ENOX1: variants seen among roughly 807,000 people sequenced by gnomAD.
ENOX1 encodes ecto-NOX disulfide-thiol exchanger 1.
Under a neutral mutation model 82.5 loss-of-function variants are expected in ENOX1, and 42 were observed. The ratio of observed to expected loss-of-function variants is 0.51; its 90% CI spans 0.40 to 0.66. The LOEUF is 0.66. Ranked by LOEUF, ENOX1 falls within the 30% of genes least tolerant of loss-of-function variation. ENOX1 has a pLI of 0.00. For synonymous variants in ENOX1, 271 were observed against 282.2 expected (o/e 0.96, Z 0.40); for missense variants, 608 against 811.6 (o/e 0.75, Z 3.05).
At chr13:43,412,574 G>A (rs1320811559) in intron 4 of ENOX1, among the ~76,000 whole-genome samples, 2 of 152,098 alleles carry the variant, frequency 1.3e-5, no homozygotes, top group Admixed American at 1.3e-4. Flanking sequence ...GAAAATACAG[G>A]TGTCTACCTA....
chr13:43,402,521 C>T (rs1292778404), intron 5 of ENOX1, among the ~76,000 whole-genome samples: 1 of 152,106 alleles, frequency 6.6e-6, no homozygotes, highest in South Asian at 2.1e-4. Flanking sequence ...AGAAGAAGTC[C>T]AGCACAGTCT....
At chr13:43,665,026 G>T (rs1187429121) in intron 2 of ENOX1, among the ~76,000 whole-genome samples, 1 of 152,170 alleles carries the variant, frequency 6.6e-6, no homozygotes, top group African/African-American at 2.4e-5. Context: ...GTAAGTAAAT[G>T]ATTCCACCTT....
chr13:43,524,344 C>T (rs1303164921), intron 2 of ENOX1, among the ~76,000 whole-genome samples: 1 of 152,138 alleles, frequency 6.6e-6, no homozygotes, highest in African/African-American at 2.4e-5. Context: ...ACCTCACACA[C>T]GTGTTCCTCT....
At chr13:43,258,735 G>T (rs2043890247) in intron 14 of ENOX1, among the ~76,000 whole-genome samples, 1 of 152,140 alleles carries the variant, frequency 6.6e-6, no homozygotes, top group Non-Finnish European at 1.5e-5. Flanking sequence ...AGGCCGTAAA[G>T]TTCTCTGTAC....
chr13:43,617,484 C>T (rs1427517689), intron 2 of ENOX1, among the ~76,000 whole-genome samples: 2 of 152,182 alleles, frequency 1.3e-5, no homozygotes, highest in Admixed American at 1.3e-4. Context: ...TGTTTATATG[C>T]TTACTTTTTA....
intron 2 of ENOX1, among the ~76,000 whole-genome samples, chr13:43,621,187 C>T (rs546778494): frequency 2.6e-5 from 4 of 152,102 alleles, no homozygotes; most frequent in Admixed American, 2.6e-4. Flanking sequence ...GAGTTCTTAT[C>T]CATTCTGTGG....
intron 3 of ENOX1, among the ~76,000 whole-genome samples, chr13:43,479,660 A>C (rs955362280): frequency 6.6e-6 from 1 of 152,262 alleles, no homozygotes; most frequent in African/African-American, 2.4e-5. Flanking sequence ...CAGCTAAAAA[A>C]TAAATGTAAT....
chr13:43,261,450 G>C (rs950367229), intron 14 of ENOX1, among the ~76,000 whole-genome samples: 2 of 152,118 alleles, frequency 1.3e-5, no homozygotes, highest in African/African-American at 4.8e-5. Context: ...ATGCAACCAA[G>C]ATTTATGGAT....
intron 1 of ENOX1, among the ~76,000 whole-genome samples, chr13:43,695,002 T>A (rs528181195): frequency 6.6e-6 from 1 of 152,146 alleles, no homozygotes; most frequent in South Asian, 2.1e-4. Flanking sequence ...CTTGCGACGA[T>A]AGAAAACACA....
intron 12 of ENOX1, among the ~76,000 whole-genome samples, chr13:43,297,971 CT>C (rs1388651084): frequency 6.6e-6 from 1 of 152,210 alleles, no homozygotes; most frequent in Non-Finnish European, 1.5e-5. Flanking sequence ...AAACAAACTG[CT>C]TTTGTAAAAT....
intron 3 of ENOX1, among the ~76,000 whole-genome samples, chr13:43,445,344 T>G (rs147752402): frequency 4.6e-5 from 7 of 152,006 alleles, no homozygotes; most frequent in African/African-American, 1.4e-4. Context: ...AGGATGGTCT[T>G]GATCTCCTGA....
At chr13:43,542,341 C>G (rs1263953313) in intron 2 of ENOX1, among the ~76,000 whole-genome samples, 1 of 151,584 alleles carries the variant, frequency 6.6e-6, no homozygotes. Flanking sequence ...ACCGTGTTAG[C>G]CAGGATGTTC....
intron 3 of ENOX1, among the ~76,000 whole-genome samples, chr13:43,451,077 T>C (rs1213890708): frequency 6.6e-6 from 1 of 152,192 alleles, no homozygotes; most frequent in East Asian, 1.9e-4. Flanking sequence ...CTTGGTGATG[T>C]TGGGACCACA....
intron 1 of ENOX1, among the ~76,000 whole-genome samples, chr13:43,780,821 T>C (rs867759096): frequency 6.6e-6 from 1 of 152,208 alleles, no homozygotes; most frequent in Admixed American, 6.5e-5. Context: ...CTCTTGCAAA[T>C]GAGACCAGAG....
At chr13:43,735,276 CAT>C (rs1359626042) in intron 1 of ENOX1, among the ~76,000 whole-genome samples, 1 of 152,068 alleles carries the variant, frequency 6.6e-6, no homozygotes, top group Non-Finnish European at 1.5e-5. Context: ...TCTAAACAGA[CAT>C]AAAAAATTCC....
intron 1 of ENOX1, among the ~76,000 whole-genome samples, chr13:43,672,037 T>A (rs1394312052): frequency 6.6e-6 from 1 of 152,186 alleles, no homozygotes. Flanking sequence ...ACCATTGACA[T>A]CATTGGACTG....
At chr13:43,247,854 TATATATATATATATATATATATATATATA>T (rs1566329028) in intron 14 of ENOX1, among the ~76,000 whole-genome samples, 773 of 4,576 alleles carry the variant, frequency 0.17, 19 homozygotes, top group Non-Finnish European at 0.35. Context: ...TATATATATA[TATATATATATATATATATATATATATATA>T]TTTTTTTTTT....
intron 2 of ENOX1, among the ~76,000 whole-genome samples, chr13:43,657,089 G>A (rs953211771): frequency 6.6e-6 from 1 of 152,142 alleles, no homozygotes. Context: ...ATAGTCCACA[G>A]TTGTATAGTC....
At chr13:43,236,865 T>C (rs1395205543) in intron 14 of ENOX1, 127 bp from the exon 15 acceptor site, 2 of 462,554 alleles carry the variant, frequency 4.3e-6, no homozygotes, top group Non-Finnish European at 7.3e-6. Context: ...AAAGATCAAA[T>C]CTTTTATACA....
Sources: gnomAD v4.1 joint callset for allele counts (sites outside exome capture counted in the v4.1 genomes callset) on GRCh38, gnomAD v4.1.1 for gene constraint, MANE v1.5 for transcripts, NCBI Gene and HGNC (gene_info 2026-07-23, HGNC 2026-07-21) for gene names.